Variants in NFAM1 observed in about 807,000 individuals in gnomAD.
The protein encoded by NFAM1 is NFAT activation molecule 1.
NFAM1 carries 17 observed loss-of-function variants against 29.0 expected under a neutral mutation model. That is an observed-to-expected ratio of 0.59 (90% CI 0.40 to 0.88). NFAM1 has a LOEUF of 0.88. Among genes scored for constraint, NFAM1 ranks in the 40% least tolerant of loss-of-function variants. The pLI is 0.00. For synonymous variants in NFAM1, 175 were observed against 147.2 expected (o/e 1.19, Z -1.36); for missense variants, 324 against 344.6 (o/e 0.94, Z 0.47).
At chr22:42,428,686 G>A (rs569785345) in intron 1 of NFAM1, among the ~76,000 whole-genome samples, 1 of 152,262 alleles carries the variant, frequency 6.6e-6, no homozygotes, top group Admixed American at 6.5e-5. Flanking sequence ...TTCACGTCTG[G>A]GTCCCTCTGG....
chr22:42,418,191 T>TGCC (rs1186528960), intron 1 of NFAM1, among the ~76,000 whole-genome samples: 1 of 152,222 alleles, frequency 6.6e-6, no homozygotes, highest in African/African-American at 2.4e-5. Flanking sequence ...CTCCTGGCTC[T>TGCC]GCCACTTCAA....
chr22:42,400,658 C>T (rs1332241884), intron 3 of NFAM1, among the ~76,000 whole-genome samples: 1 of 152,186 alleles, frequency 6.6e-6, no homozygotes, highest in African/African-American at 2.4e-5. Context: ...GAAGCTGAGG[C>T]TTGTCCAGCT....
Position 42,432,262 on chromosome 22 carries a change from C to A in NFAM1, c.96G>T (p.Leu32=), listed in dbSNP as rs780496940. The change falls in exon 1 of 6, where the codon CTG becomes CTT. Residue 32 remains leucine (L), a synonymous_variant. Transcript: ENST00000329021. The stretch of plus-strand genomic sequence containing the variant: ...CTGCCAGTCGCAGGGTCCCGGGCAG[C>A]AGCAGCACGCCAAGGAGGAGCCAGG... The part of the protein sequence containing the change: ...AAPWLLLGVL[L]LPGTLRLAGG... The A allele has an allele frequency of 1.5e-5, 23 of 1,572,804 alleles. No homozygotes were observed. The highest frequency in any genetic ancestry group is 2.3e-5 in the East Asian group (1 of 42,838).
intron 1 of NFAM1, 26 bp downstream of exon 1, chr22:42,432,211 G>C (rs759371452): frequency 1.5e-5 from 23 of 1,556,214 alleles, no homozygotes; most frequent in Middle Eastern, 1.8e-4. Context: ...CGAGAGAGTA[G>C]AGAGAAGGAG....
chr22:42,420,680 C>T (rs1368161555), intron 1 of NFAM1, among the ~76,000 whole-genome samples: 4 of 150,584 alleles, frequency 2.7e-5, no homozygotes, highest in Non-Finnish European at 4.4e-5. Flanking sequence ...GCAAGAGAAT[C>T]GCTTGAACCC....
intron 1 of NFAM1, among the ~76,000 whole-genome samples, chr22:42,427,951 G>A (rs1293910830): frequency 6.6e-6 from 1 of 152,202 alleles, no homozygotes; most frequent in Non-Finnish European, 1.5e-5. Context: ...GCACTGGGAT[G>A]TTCTCATTCT....
intron 4 of NFAM1, among the ~76,000 whole-genome samples, chr22:42,393,289 A>C (rs2147093843): frequency 6.6e-6 from 1 of 152,318 alleles, no homozygotes; most frequent in South Asian, 2.1e-4. Context: ...GGTGGTATGC[A>C]CCTGTAATTC....
At chr22:42,386,272 G>A (rs1175725157) in intron 5 of NFAM1, among the ~76,000 whole-genome samples, 1 of 152,098 alleles carries the variant, frequency 6.6e-6, no homozygotes, top group Non-Finnish European at 1.5e-5. Context: ...TACTCGGGAG[G>A]CTGAGGCAGG....
intron 4 of NFAM1, among the ~76,000 whole-genome samples, chr22:42,397,209 G>A (rs1487080653): frequency 6.6e-6 from 1 of 152,190 alleles, no homozygotes; most frequent in African/African-American, 2.4e-5. Context: ...TGGCTGGCCA[G>A]GCTGGGGCAG....
chr22:42,421,436 A>C (rs1453219900), intron 1 of NFAM1, among the ~76,000 whole-genome samples: 1 of 139,792 alleles, frequency 7.2e-6, no homozygotes, highest in Non-Finnish European at 1.5e-5. Context: ...TAAGAGTGAA[A>C]CTCTGTCTCA....
At chr22:42,437,545 G>T in the NFAM1 span, among the ~76,000 whole-genome samples, 2 of 152,142 alleles carry the variant, frequency 1.3e-5, no homozygotes, top group South Asian at 2.1e-4. Context: ...ACAGAACCAG[G>T]AGGCCCTCAG....
In NFAM1 at chr22:42,385,212, C is replaced by G; in HGVS notation, c.762G>C (p.Pro254=). Residue 254 remains proline (P), a synonymous_variant, in exon 6 of 6, where the codon CCG becomes CCC. Transcript: ENST00000329021. ...AKQSPLSQER[P]HRFEDDGELN... Reference sequence around the variant, plus strand: ...GTTCGCCATCATCTTCGAATCTATGCGGTCTCTCCTGGATAGAAAAGAAGA... The same window carrying G: ...GTTCGCCATCATCTTCGAATCTATGGGGTCTCTCCTGGATAGAAAAGAAGA... 1 of 1,607,658 alleles carries G rather than the reference C, an allele frequency of 6.2e-7. No individual in the cohort carries two copies. Among genetic ancestry groups the G allele is most frequent in the Non-Finnish European group, 8.5e-7 (1 of 1,174,140 alleles).
intron 1 of NFAM1, among the ~76,000 whole-genome samples, chr22:42,417,852 G>C (rs528180741): frequency 6.6e-6 from 1 of 152,164 alleles, no homozygotes; most frequent in Non-Finnish European, 1.5e-5. Context: ...GTTGCCACAC[G>C]GTGTCTGGGA....
At position 42,404,082 on chromosome 22, in the gene NFAM1, AC is replaced by A. The variant is rs1929813712; in HGVS notation, c.564+5352del. Among the ~76,000 whole-genome samples the A allele has an allele frequency of 2.0e-5, 3 of 152,010 alleles. No individual in the cohort carries two copies. The South Asian group carries it at 6.2e-4, about 32-fold the overall frequency. ...CTCCTGCCCCAGCCCCTCCGGGCAG[AC>A]TTCATGCATCACCAGTTCTTACCAC... On this transcript the variant is annotated intron_variant, in intron 3 of 5. Coordinates refer to ENST00000329021, the MANE Select transcript of NFAM1 (RefSeq NM_145912.8).
At chr22:42,428,836 G>C (rs1167807061) in intron 1 of NFAM1, among the ~76,000 whole-genome samples, 1 of 152,178 alleles carries the variant, frequency 6.6e-6, no homozygotes, top group Non-Finnish European at 1.5e-5. Flanking sequence ...AGGTCACACA[G>C]CTGTCACCAG....
chr22:42,412,279 C>T (rs1291186596), intron 1 of NFAM1, among the ~76,000 whole-genome samples: 1 of 152,100 alleles, frequency 6.6e-6, no homozygotes, highest in African/African-American at 2.4e-5. Flanking sequence ...TGTGAGCTTA[C>T]CTCTGCAGGT....
chr22:42,398,031 A>G, intron 3 of NFAM1, 75 bp from the exon 4 acceptor site: 1 of 741,226 alleles, frequency 1.3e-6, no homozygotes, highest in East Asian at 2.7e-5. Flanking sequence ...CCCAGGGGAA[A>G]GGATGGCAGA....
intron 1 of NFAM1, among the ~76,000 whole-genome samples, chr22:42,427,742 A>ATACACACAG (rs148751952): frequency 0.022 from 3,394 of 152,298 alleles, 110 homozygotes; most frequent in African/African-American, 0.078. Flanking sequence ...TCACCGGAGA[A>ATACACACAG]TACACACAGT....
intron 1 of NFAM1, among the ~76,000 whole-genome samples, chr22:42,414,570 T>A (rs1021344810): frequency 1.7e-4 from 26 of 151,698 alleles, no homozygotes; most frequent in East Asian, 3.9e-4. Context: ...TTTTTTTTTT[T>A]AAATTAAAAA....
Sources: gnomAD v4.1 joint callset for allele counts (sites outside exome capture counted in the v4.1 genomes callset) on GRCh38, gnomAD v4.1.1 for gene constraint, MANE v1.5 for transcripts, NCBI Gene and HGNC (gene_info 2026-07-23, HGNC 2026-07-21) for gene names.